Variants in PCDH15 observed in about 807,000 individuals in gnomAD.
The protein encoded by PCDH15 is protocadherin related 15.
A neutral mutation model predicts 178.5 loss-of-function variants in PCDH15; 129 were observed. That is an observed-to-expected ratio of 0.72 (90% confidence interval 0.63 to 0.84). The LOEUF (loss-of-function observed/expected upper bound fraction) is 0.84. Ranked by LOEUF, PCDH15 falls within the 40% of genes least tolerant of loss-of-function variation. The pLI is 0.00. For synonymous variants in PCDH15, 800 were observed against 732.0 expected, an observed-to-expected ratio of 1.09 and a Z score of -1.50; for missense variants, 2,230 against 2,099.9, an observed-to-expected ratio of 1.06 and a Z score of -1.21.
At chr10:55,317,096 A>G (rs1465571947) in intron 1 of PCDH15, among the ~76,000 whole-genome samples, 1 of 152,216 alleles carries the variant, frequency 6.6e-6, no homozygotes, top group Non-Finnish European at 1.5e-5. Flanking sequence ...TCTACTGCAC[A>G]CTGGTTGGGA....
intron 25 of PCDH15, among the ~76,000 whole-genome samples, chr10:53,922,973 G>A (rs1035197194): frequency 6.6e-6 from 1 of 152,086 alleles, no homozygotes; most frequent in Admixed American, 6.6e-5. Context: ...TGTAGTCCCA[G>A]CTACTCAGGA....
At chr10:54,532,664 C>CTTTTTTCT (rs2084047750) in intron 2 of PCDH15, among the ~76,000 whole-genome samples, 1 of 152,074 alleles carries the variant, frequency 6.6e-6, no homozygotes. Flanking sequence ...CATTAATTCC[C>CTTTTTTCT]TTTTTTCTTT....
At position 54,855,389 on chromosome 10, in the gene PCDH15, C is replaced by A. The variant is rs145297453; in HGVS notation, c.-29+42061G>T. ...ATGGCTTGGGCAGCTGCAGAGGCACCTGGGGAGCTCCCATCCCAACTCAGA... is the reference window on the plus strand; with the variant it reads ...ATGGCTTGGGCAGCTGCAGAGGCACATGGGGAGCTCCCATCCCAACTCAGA... On this transcript the variant is annotated intron_variant, in intron 3 of 5. Coordinates refer to the PCDH15 transcript ENST00000458638. Among the ~76,000 whole-genome samples, 248 of 152,288 alleles carry A rather than the reference C, an allele frequency of 1.6e-3. 2 individuals carry two copies. The highest frequency in any genetic ancestry group is 5.4e-3 in the African/African-American group (226 of 41,550).
At chr10:54,234,164 G>GTGTC (rs2054379740) in intron 9 of PCDH15, among the ~76,000 whole-genome samples, 1 of 151,924 alleles carries the variant, frequency 6.6e-6, no homozygotes, top group South Asian at 2.1e-4. Flanking sequence ...GTGTGTGTGT[G>GTGTC]TGTGTGTGTG....
intron 3 of PCDH15, among the ~76,000 whole-genome samples, chr10:54,386,695 A>G (rs1949975375): frequency 6.6e-6 from 1 of 152,212 alleles, no homozygotes; most frequent in Non-Finnish European, 1.5e-5. Flanking sequence ...CAAATAATCA[A>G]TAAACACACA....
intron 21 of PCDH15, among the ~76,000 whole-genome samples, chr10:53,964,547 G>T (rs2088785855): frequency 7.1e-6 from 1 of 140,670 alleles, no homozygotes; most frequent in African/African-American, 2.6e-5. Flanking sequence ...ATAAATAAGT[G>T]AATGGATAAC....
intron 2 of PCDH15, among the ~76,000 whole-genome samples, chr10:55,502,983 C>T (rs908042765): frequency 4.0e-5 from 6 of 151,432 alleles, no homozygotes; most frequent in Non-Finnish European, 8.9e-5. Flanking sequence ...TTATGTGTGA[C>T]AAATTAAACA....
intron 2 of PCDH15, among the ~76,000 whole-genome samples, chr10:55,025,129 A>T (rs1403921673): frequency 6.6e-6 from 1 of 151,958 alleles, no homozygotes; most frequent in Non-Finnish European, 1.5e-5. Context: ...CCATACCCCA[A>T]TTCTAGTAGT....
intron 3 of PCDH15, among the ~76,000 whole-genome samples, chr10:54,487,540 T>G (rs1468904751): frequency 6.6e-6 from 1 of 152,054 alleles, no homozygotes; most frequent in Non-Finnish European, 1.5e-5. Context: ...CTTATTAGCT[T>G]TATGAGGTTT....
chr10:55,318,316 A>C (rs769840994), intron 1 of PCDH15, among the ~76,000 whole-genome samples: 2 of 152,214 alleles, frequency 1.3e-5, no homozygotes, highest in Non-Finnish European at 2.9e-5. Context: ...TAATATCTGA[A>C]TAACTGGAAA....
intron 2 of PCDH15, among the ~76,000 whole-genome samples, chr10:54,658,222 T>C (rs555165544): frequency 6.6e-6 from 1 of 152,020 alleles, no homozygotes; most frequent in South Asian, 2.1e-4. Flanking sequence ...ATTGAGGAAA[T>C]AATTGAGGAA....
intron 2 of PCDH15, among the ~76,000 whole-genome samples, chr10:55,538,590 C>CTTCATTCCT (rs1841659345): frequency 1.0e-5 from 1 of 96,980 alleles, no homozygotes; most frequent in African/African-American, 4.8e-5. Context: ...TCCTTCCTTC[C>CTTCATTCCT]TTCCTTCCTT....
intron 2 of PCDH15, among the ~76,000 whole-genome samples, chr10:55,039,121 G>C (rs761318021): frequency 6.6e-6 from 1 of 151,728 alleles, no homozygotes; most frequent in Non-Finnish European, 1.5e-5. Context: ...ACCTTCCCAG[G>C]TTCCGATCCA....
chr10:54,572,614 T>G (rs1039680338), intron 2 of PCDH15, among the ~76,000 whole-genome samples: 2 of 152,072 alleles, frequency 1.3e-5, no homozygotes, highest in East Asian at 3.8e-4. Context: ...CCTATGAAAA[T>G]GTATTAAATA....
intron 2 of PCDH15, among the ~76,000 whole-genome samples, chr10:55,541,199 T>G (rs563860934): frequency 4.0e-4 from 61 of 152,114 alleles, no homozygotes; most frequent in African/African-American, 1.4e-3. Flanking sequence ...CTAATAAAGT[T>G]TGAATCATTC....
chr10:55,077,427 C>CTTCCTTCA (rs1249513883), intron 2 of PCDH15, among the ~76,000 whole-genome samples: 3 of 146,598 alleles, frequency 2.0e-5, no homozygotes, highest in Non-Finnish European at 4.5e-5. Flanking sequence ...TCCTTCCTTC[C>CTTCCTTCA]TTCCTTCCTT....
intron 1 of PCDH15, among the ~76,000 whole-genome samples, chr10:55,177,848 T>A (rs1255073958): frequency 6.7e-6 from 1 of 149,546 alleles, no homozygotes; most frequent in East Asian, 2.0e-4. Context: ...AGAACCCAGA[T>A]TGGACTCTTT....
In PCDH15 at chr10:53,857,090, CCT is replaced by C. The variant is rs1022383794; in HGVS notation, c.3806+83_3806+84del. The C allele has an allele frequency of 4.8e-5, 48 of 998,838 alleles. No homozygotes were observed. The African/African-American group carries it at 7.4e-4, about 15-fold the overall frequency. The allele number at this position is 998,838 out of a possible 1,614,324, so 61.9% of individuals were successfully genotyped here. A position where few individuals can be genotyped will look rare whatever the true frequency, so the allele number is the denominator to read the frequency against. On this transcript the variant is annotated intron_variant, in intron 28 of 37. Coordinates refer to ENST00000644397, the MANE Select transcript of PCDH15 (RefSeq NM_001384140.1). ...ATGTAACACACCTGCACATGTATCC[CCT>C]GAATCTAAAATAAAATTTAAAAAAT...
At chr10:55,200,752 T>C (rs892017894) in intron 1 of PCDH15, among the ~76,000 whole-genome samples, 83 of 152,172 alleles carry the variant, frequency 5.5e-4, no homozygotes, top group African/African-American at 2.0e-3. Flanking sequence ...CTTGCTGTTC[T>C]GATGAGAGTG....
Sources: allele counts gnomAD v4.1 joint callset (sites outside exome capture counted in the v4.1 genomes callset), GRCh38; gene constraint gnomAD v4.1.1; transcripts MANE v1.5; gene names NCBI Gene and HGNC (gene_info 2026-07-23, HGNC 2026-07-21).